The following CCDC62 variants were observed in gnomAD, a reference collection of about 807,000 sequenced individuals.
CCDC62 encodes coiled-coil domain-containing protein 62.
A neutral mutation model predicts 80.8 loss-of-function variants in CCDC62; 72 were observed. That is an observed-to-expected ratio of 0.89 (90% CI 0.74 to 1.08). The LOEUF (loss-of-function observed/expected upper bound fraction) is 1.08, where lower values mean the gene tolerates loss of function less well. CCDC62 is among the 50% of genes least tolerant of loss of function. The pLI is 0.00. For synonymous variants in CCDC62, 286 were observed against 296.5 expected (o/e 0.96, Z 0.36); for missense variants, 704 against 809.4 (o/e 0.87, Z 1.58).
intron 8 of CCDC62, among the ~76,000 whole-genome samples, chr12:122,799,743 G>A (rs186024099): frequency 1.7e-4 from 26 of 152,328 alleles, no homozygotes; most frequent in Admixed American, 2.6e-4. Flanking sequence ...TTGCAGCAGC[G>A]ACTTTCCCTG....
chr12:122,803,675 G>A (rs956763051), intron 9 of CCDC62, among the ~76,000 whole-genome samples: 5 of 152,242 alleles, frequency 3.3e-5, no homozygotes, highest in African/African-American at 1.2e-4. Context: ...TAAAAGTCAT[G>A]CAGATAGTCA....
At chr12:122,777,264 A>T (rs747070489) in intron 1 of CCDC62, 7 of 430,488 alleles carry the variant, frequency 1.6e-5, no homozygotes, top group African/African-American at 4.1e-5. Flanking sequence ...CTTTTTAGGC[A>T]TGGTACGTAT....
At chr12:122,779,218 A>G (rs1879671098) in intron 2 of CCDC62, among the ~76,000 whole-genome samples, 1 of 152,210 alleles carries the variant, frequency 6.6e-6, no homozygotes, top group Admixed American at 6.5e-5. Context: ...GGAAATGCAA[A>G]TGAAAACCAA....
chr12:122,819,294 C>T (rs187136013), intron 11 of CCDC62, among the ~76,000 whole-genome samples: 18 of 152,260 alleles, frequency 1.2e-4, no homozygotes, highest in African/African-American at 4.1e-4. Context: ...TTCTGAGCAG[C>T]GTGTCTGCTT....
At chr12:122,797,488 T>C (rs2031034308) in intron 7 of CCDC62, 93 bp downstream of exon 7, 2 of 689,400 alleles carry the variant, frequency 2.9e-6, no homozygotes, top group Non-Finnish European at 5.2e-6. Context: ...TTTTGTTTAA[T>C]TGGTGATTTG....
intron 7 of CCDC62, 53 bp downstream of exon 7, chr12:122,797,448 A>G (rs942998900): frequency 3.1e-5 from 31 of 1,009,256 alleles, no homozygotes; most frequent in Non-Finnish European, 4.7e-5. Context: ...GTAAACAAAT[A>G]GCAAATTAGG....
intron 2 of CCDC62, among the ~76,000 whole-genome samples, chr12:122,778,641 A>T (rs1309711197): frequency 6.6e-6 from 1 of 152,102 alleles, no homozygotes; most frequent in Non-Finnish European, 1.5e-5. Context: ...GCACTTTGGG[A>T]GGCTGAGGCA....
intron 2 of CCDC62, among the ~76,000 whole-genome samples, chr12:122,779,449 C>T (rs1164068143): frequency 3.9e-5 from 6 of 151,986 alleles, no homozygotes; most frequent in Admixed American, 2.0e-4. Flanking sequence ...ACACATGAAT[C>T]ACCTAAGGGT....
intron 2 of CCDC62, among the ~76,000 whole-genome samples, chr12:122,778,402 GTTTA>G (rs994416000): frequency 3.3e-5 from 5 of 150,768 alleles, no homozygotes; most frequent in Admixed American, 2.7e-4. Context: ...GTTGCAAAAA[GTTTA>G]TTTGACACCA....
intron 2 of CCDC62, 98 bp downstream of exon 2, chr12:122,777,781 C>A: frequency 8.8e-7 from 1 of 1,132,298 alleles, no homozygotes; most frequent in South Asian, 1.5e-5. Flanking sequence ...GACTGCAATC[C>A]CTGTTGTCCT....
chr12:122,824,148 G>A (rs1395608808), intron 12 of CCDC62, among the ~76,000 whole-genome samples: 2 of 152,096 alleles, frequency 1.3e-5, no homozygotes, highest in African/African-American at 4.8e-5. Flanking sequence ...GGGCGCAGTG[G>A]CTCATGCCCA....
At chr12:122,783,451 C>G (rs1331409907) in intron 3 of CCDC62, among the ~76,000 whole-genome samples, 1 of 151,982 alleles carries the variant, frequency 6.6e-6, no homozygotes, top group Non-Finnish European at 1.5e-5. Flanking sequence ...TGGTTTCGAT[C>G]TCCTGACCTC....
chr12:122,806,858 G>GAAAGAAA (rs1348622626), intron 10 of CCDC62, among the ~76,000 whole-genome samples: 1 of 136,402 alleles, frequency 7.3e-6, no homozygotes, highest in Non-Finnish European at 1.6e-5. Context: ...AAAAAAAAAA[G>GAAAGAAA]AAAGAAAAAA....
chr12:122,812,793 A>AAGAAAGAAAGAG lies in CCDC62; in HGVS notation c.1852-466_1852-465insGAGAAAGAAAGA, dbSNP rs2031986175. Reference sequence around the variant, plus strand: ...AGAGAGAGAGAGAAAGAAAGAAAGAAAGAAAGAAAGAAAGAAAGAAAGAAA... The same window carrying AAGAAAGAAAGAG: ...AGAGAGAGAGAGAAAGAAAGAAAGAAAGAAAGAAAGAGAGAAAGAAAGAAAGAAAGAAAGAAA... On this transcript the variant is annotated intron_variant, in intron 10 of 12. Transcript: ENST00000253079. Among the ~76,000 whole-genome samples, 4 of 143,392 alleles carry AAGAAAGAAAGAG rather than the reference A, an allele frequency of 2.8e-5. 1 individual carries two copies. The East Asian group carries it at 7.9e-4, about 28-fold the overall frequency. The allele number at this position is 143,392 out of a possible 152,430, so 94.1% of individuals were successfully genotyped here.
chr12:122,779,656 C>T (rs1394399763), intron 2 of CCDC62, among the ~76,000 whole-genome samples: 1 of 152,176 alleles, frequency 6.6e-6, no homozygotes, highest in Non-Finnish European at 1.5e-5. Context: ...ATCTGTAATC[C>T]TAGCACTTTG....
At chr12:122,816,475 C>T (rs191078081) in intron 11 of CCDC62, among the ~76,000 whole-genome samples, 11 of 152,226 alleles carry the variant, frequency 7.2e-5, no homozygotes, top group African/African-American at 2.4e-4. Flanking sequence ...CCTGTAATCC[C>T]AGCACTTTGG....
chr12:122,813,533 G>C (rs750196623), intron 11 of CCDC62, 114 bp downstream of exon 11: 33 of 947,044 alleles, frequency 3.5e-5, no homozygotes, highest in African/African-American at 6.7e-5. Flanking sequence ...GAGTTTCTGT[G>C]TCTCTAGGGA....
intron 10 of CCDC62, 137 bp from the exon 11 acceptor site, chr12:122,813,133 A>G (rs1231607595): frequency 2.4e-6 from 2 of 837,882 alleles, no homozygotes; most frequent in Non-Finnish European, 3.6e-6. Context: ...GCTTGAGGCA[A>G]TCAGCTGTGA....
intron 10 of CCDC62, among the ~76,000 whole-genome samples, chr12:122,809,414 C>T (rs952730191): frequency 7.2e-5 from 11 of 152,238 alleles, no homozygotes; most frequent in Admixed American, 4.6e-4. Context: ...CACTTGAGCC[C>T]GGGAGGCGGA....
Sources: gnomAD v4.1 joint callset for allele counts (sites outside exome capture counted in the v4.1 genomes callset) on GRCh38, gnomAD v4.1.1 for gene constraint, MANE v1.5 for transcripts, NCBI Gene and HGNC (gene_info 2026-07-23, HGNC 2026-07-21) for gene names.